The following PHF11 variants were observed in gnomAD, a reference collection of about 807,000 sequenced individuals.
PHF11 encodes PHD finger protein 11.
PHF11 carries 38 observed loss-of-function variants against 40.5 expected under a neutral mutation model. The ratio of observed to expected loss-of-function variants is 0.94; its 90% CI spans 0.72 to 1.23. The LOEUF is 1.23. Among genes scored for constraint, PHF11 ranks in the 50% most tolerant of loss-of-function variants. The pLI is 0.00. For missense variants in PHF11, 369 were observed against 392.4 expected (o/e 0.94, Z 0.50); for synonymous variants, 127 against 138.2 (o/e 0.92, Z 0.57).
chr13:49,505,059 C>T (rs988565443), intron 1 of PHF11, among the ~76,000 whole-genome samples: 1 of 149,346 alleles, frequency 6.7e-6, no homozygotes, highest in Admixed American at 6.7e-5. Flanking sequence ...TCTCAAGTAC[C>T]CAGGGACACA....
At position 49,522,047 on chromosome 13, in the gene PHF11, A is replaced by G. The variant is rs1959190811; in HGVS notation, c.510A>G (p.Lys170=). 2 of 1,475,256 alleles carry G rather than the reference A, an allele frequency of 1.4e-6. No individual in the cohort carries two copies. Among genetic ancestry groups the G allele is most frequent in the South Asian group, 1.1e-5 (1 of 87,242 alleles). 91.4% of individuals were successfully genotyped at this position (1,475,256 alleles called of 1,614,324 possible). The change falls in exon 6 of 10, where the codon AAA becomes AAG. Residue 170 remains lysine (K), a synonymous_variant. Coordinates refer to ENST00000378319, the MANE Select transcript of PHF11 (RefSeq NM_001040443.3). ...TTAAATGGTTTATATTTTTAGCTAA[A>G]TTTTCAGGAGTGAAAAGAAAAAGAG... ...AQFPIIAQSA[K]FSGVKRKRGR...
chr13:49,522,075 A>G lies in PHF11; in HGVS notation c.538A>G (p.Arg180Gly). 6.4e-7 allele frequency: 1 copy of G among 1,564,630 alleles called. No individual in the cohort carries two copies. Among genetic ancestry groups the G allele is most frequent in the Non-Finnish European group, 8.8e-7 (1 of 1,136,434 alleles). The change falls in exon 6 of 10, where the codon AGG becomes GGG. Residue 180 changes from arginine to glycine, a missense_variant. Physicochemically the swap from Arg to Gly is moderately radical, Grantham distance 125. Coordinates refer to ENST00000378319, the MANE Select transcript of PHF11 (RefSeq NM_001040443.3). ...TTCAGGAGTGAAAAGAAAAAGAGGA[A>G]GGAAGAAACCCCTCTCAGGCAATCA... Reference protein sequence around the residue: ...KFSGVKRKRGRKKPLSGNHVQ... With the variant: ...KFSGVKRKRGGKKPLSGNHVQ...
chr13:49,527,660 T>C (rs1023660317), intron 9 of PHF11, among the ~76,000 whole-genome samples: 1 of 152,214 alleles, frequency 6.6e-6, no homozygotes, highest in African/African-American at 2.4e-5. Context: ...AAAAATTTTT[T>C]TCTAAAAAGA....
At position 49,506,713 on chromosome 13, in the gene PHF11, A is replaced by G; in HGVS notation, c.173A>G (p.Tyr58Cys). Residue 58 changes from tyrosine to cysteine, a missense_variant, in exon 2 of 10, where the codon TAC (tyrosine) becomes TGC (cysteine). Transcript: ENST00000378319. ...CPKDVEYNVLYFAQSENIAAH... is the reference protein window; with the variant it reads ...CPKDVEYNVLCFAQSENIAAH... ...AAAGATGTCGAATATAATGTCCTAT[A>G]CTTTGCACAATCAGAGAATATAGCT... is the stretch of plus-strand genomic sequence containing the variant. The G allele has an allele frequency of 6.2e-7, 1 of 1,607,854 alleles. No homozygotes were observed. Among genetic ancestry groups the G allele is most frequent in the South Asian group, 1.1e-5 (1 of 90,864 alleles).
chr13:49,525,132 A>T (rs117103510), intron 8 of PHF11, among the ~76,000 whole-genome samples: 1 of 152,202 alleles, frequency 6.6e-6, no homozygotes, highest in Non-Finnish European at 1.5e-5. Flanking sequence ...AAGGAATTTT[A>T]ATGTTTTGAC....
chr13:49,522,766 TG>T (rs67568962), intron 6 of PHF11, among the ~76,000 whole-genome samples: 12,797 of 54,450 alleles, frequency 0.24, 751 homozygotes, highest in East Asian at 0.31. Context: ...GGGGTTTTTT[TG>T]TTTTTTTTTT....
Position 49,506,619 on chromosome 13 carries a change from G to A in PHF11, c.95-16G>A, listed in dbSNP as rs746236514. 6.2e-7 allele frequency: 1 copy of A among 1,612,620 alleles called. No homozygotes were observed. The highest frequency in any genetic ancestry group is 8.5e-7 in the Non-Finnish European group (1 of 1,179,264). Reference sequence around the variant, plus strand: ...AATTCCACTTTTCCATTTCTCACCAGGGATATTACTTATAGGTGTCTTTCA... The same window carrying A: ...AATTCCACTTTTCCATTTCTCACCAAGGATATTACTTATAGGTGTCTTTCA... On this transcript the variant is annotated splice_polypyrimidine_tract_variant and intron_variant, in intron 1 of 9. Transcript: ENST00000378319.
At chr13:49,523,379 T>C in intron 7 of PHF11, 138 bp downstream of exon 7, 1 of 638,662 alleles carries the variant, frequency 1.6e-6, no homozygotes, top group South Asian at 1.9e-5. Flanking sequence ...TAAATCTTTA[T>C]CGCAACTGTC....
intron 1 of PHF11, chr13:49,497,194 A>G: frequency 7.8e-7 from 1 of 1,289,414 alleles, no homozygotes; most frequent in Non-Finnish European, 1.0e-6. Flanking sequence ...TATTTCATTC[A>G]TTGGTATACA....
Position 49,518,017 on chromosome 13 carries a change from GAAATGCA to G in PHF11, c.327_333del (p.Lys109AsnfsTer14). On this transcript the variant is annotated frameshift_variant and splice_region_variant, in exon 4 of 10. Coordinates refer to ENST00000378319, the MANE Select transcript of PHF11 (RefSeq NM_001040443.3). LOFTEE classifies it high-confidence loss of function. ...ACTCAGTAAAATCTATTCTTCTGTA[GAAATGCA>G]AATTTTGTCATAAAAGAGGAGCCAC... 1 of 1,510,944 alleles carries G rather than the reference GAAATGCA, an allele frequency of 6.6e-7. No homozygotes were observed. The highest frequency in any genetic ancestry group is 9.1e-7 in the Non-Finnish European group (1 of 1,100,118). The allele number at this position is 1,510,944 out of a possible 1,614,324, so 93.6% of individuals were successfully genotyped here.
chr13:49,514,353 G>T (rs1425909969), intron 3 of PHF11, among the ~76,000 whole-genome samples: 2 of 152,320 alleles, frequency 1.3e-5, no homozygotes, highest in Admixed American at 6.5e-5. Flanking sequence ...CGAAGAAATG[G>T]AAAGTGCAGG....
Position 49,528,652 on chromosome 13 carries a change from C to A in PHF11, c.983C>A (p.Ser328Tyr). Residue 328 changes from serine (S) to tyrosine (Y), a missense_variant, in exon 10 of 10, where the codon TCC (serine) becomes TAC (tyrosine). Physicochemically the swap from Ser to Tyr is moderately radical, Grantham distance 144. Transcript: ENST00000378319. ...DLMSSSTSISSLSY is the reference protein window; with the variant it reads ...DLMSSSTSISYLSY ...ATGTCAAGTTCTACATCAATATCAT[C>A]CCTGTCTTATTAGGGATTACCGTTT... 1.2e-6 allele frequency: 2 copies of A among 1,602,052 alleles called. No homozygotes were observed. Among genetic ancestry groups the A allele is most frequent in the Non-Finnish European group, 1.7e-6 (2 of 1,174,900 alleles).
At chr13:49,523,359 TTAA>T in intron 7 of PHF11, 118 bp downstream of exon 7, 1 of 682,498 alleles carries the variant, frequency 1.5e-6, no homozygotes, top group Non-Finnish European at 2.6e-6. Context: ...CTTGTGGTAA[TTAA>T]TGAGTATAAA....
intron 4 of PHF11, among the ~76,000 whole-genome samples, chr13:49,519,755 A>T (rs917575668): frequency 6.6e-6 from 1 of 152,102 alleles, no homozygotes; most frequent in African/African-American, 2.4e-5. Context: ...TATTTTCAAC[A>T]CTGTTTTATA....
At chr13:49,508,536 T>TTTTTG (rs999276270) in intron 2 of PHF11, among the ~76,000 whole-genome samples, 1 of 151,202 alleles carries the variant, frequency 6.6e-6, no homozygotes, top group Non-Finnish European at 1.5e-5. Flanking sequence ...CTGGGCAAGT[T>TTTTTG]TTTTGTTTTG....
intron 1 of PHF11, among the ~76,000 whole-genome samples, chr13:49,503,133 C>G (rs989781503): frequency 4.6e-5 from 7 of 152,188 alleles, no homozygotes; most frequent in Non-Finnish European, 1.0e-4. Flanking sequence ...TCCTGTGCAG[C>G]CTTTCCTCCT....
intron 3 of PHF11, among the ~76,000 whole-genome samples, chr13:49,515,488 A>ACC (rs1321914708): frequency 2.7e-5 from 3 of 110,184 alleles, no homozygotes; most frequent in African/African-American, 1.1e-4. Flanking sequence ...ACACACACAC[A>ACC]CACACACACA....
intron 7 of PHF11, 46 bp downstream of exon 7, chr13:49,523,287 AT>A (rs1566197138): frequency 7.6e-7 from 1 of 1,312,080 alleles, no homozygotes; most frequent in Non-Finnish European, 1.1e-6. Context: ...TACAATACTT[AT>A]AAAAATGTCA....
intron 1 of PHF11, among the ~76,000 whole-genome samples, chr13:49,500,022 A>C (rs1400090836): frequency 3.3e-5 from 5 of 152,166 alleles, no homozygotes; most frequent in African/African-American, 1.2e-4. Context: ...TCGGCAATCC[A>C]TTTCCACATT....
Sources: allele counts gnomAD v4.1 joint callset (sites outside exome capture counted in the v4.1 genomes callset), GRCh38; gene constraint gnomAD v4.1.1; transcripts MANE v1.5; gene names NCBI Gene and HGNC (gene_info 2026-07-23, HGNC 2026-07-21).